SLC22A4: variants seen among roughly 807,000 people sequenced by gnomAD.
SLC22A4 encodes the protein solute carrier family 22 member 4.
SLC22A4 carries 39 observed loss-of-function variants against 56.6 expected under a neutral mutation model. The observed-to-expected ratio is 0.69, with a 90% CI of 0.53 to 0.90. The LOEUF (loss-of-function observed/expected upper bound fraction) is 0.90, where lower values mean the gene tolerates loss of function less well. Ranked by LOEUF, SLC22A4 falls within the 40% of genes least tolerant of loss-of-function variation. SLC22A4 has a pLI of 0.00. For synonymous variants in SLC22A4, 241 were observed against 281.4 expected, an observed-to-expected ratio of 0.86 and a Z score of 1.44; for missense variants, 594 against 696.5, an observed-to-expected ratio of 0.85 and a Z score of 1.66.
chr5:132,299,456 C>T (rs866911437), intron 1 of SLC22A4, among the ~76,000 whole-genome samples: 4 of 149,752 alleles, frequency 2.7e-5, no homozygotes, highest in Admixed American at 6.7e-5. Context: ...TTTCTTTCTT[C>T]GTTCTTGTTG....
intron 8 of SLC22A4, among the ~76,000 whole-genome samples, chr5:132,336,454 G>A (rs1446033085): frequency 6.6e-6 from 1 of 152,122 alleles, no homozygotes; most frequent in East Asian, 1.9e-4. Context: ...AACCCAGGAG[G>A]CAGAGGCTGC....
chr5:132,311,616 T>C (rs1363595141), intron 1 of SLC22A4: 1 of 166,804 alleles, frequency 6.0e-6, no homozygotes, highest in Non-Finnish European at 1.3e-5. Flanking sequence ...TAGGCGTGAG[T>C]GGACCAGGGA....
At chr5:132,313,574 C>A in intron 2 of SLC22A4, 40 bp from the exon 3 acceptor site, 1 of 1,604,744 alleles carries the variant, frequency 6.2e-7, no homozygotes. Context: ...ACCTTGGCAA[C>A]CTACACATCT....
rs776363804 is a variant in SLC22A4, at chr5:132,327,344, C to A, written c.892C>A (p.Gln298Lys). The change falls in exon 5 of 10, where the codon CAA becomes AAA. Residue 298 changes from glutamine (Q) to lysine (K), a missense_variant. Transcript: ENST00000200652. ...ATTTAGAGAGGCTGAAGATATCATC[C>A]AAAAAGCTGCAAAAATGAACAACAT... The part of the protein sequence containing the change: ...RRFREAEDII[Q>K]KAAKMNNIAV... The A allele has an allele frequency of 5.0e-6, 8 of 1,610,396 alleles. No homozygotes were observed. In the East Asian group the frequency reaches 1.8e-4, roughly 36 times the overall value.
At position 132,344,153 on chromosome 5, in the gene SLC22A4, C is replaced by G; in HGVS notation, c.*318C>G. On this transcript the variant is annotated 3_prime_UTR_variant, in exon 10 of 10. Transcript: ENST00000200652. ...ACACTCATTTCCAATCATACAAATA[C>G]TATCCAAATAAAAATAACATCATTG... 3.6e-6 allele frequency: 1 copy of G among 277,850 alleles called. No homozygotes were observed. Among genetic ancestry groups the G allele is most frequent in the Non-Finnish European group, 6.7e-6 (1 of 148,306 alleles). The allele number at this position is 277,850 out of a possible 1,614,324, so 17.2% of individuals were successfully genotyped here. A position where few individuals can be genotyped will look rare whatever the true frequency, so the allele number is the denominator to read the frequency against.
intron 9 of SLC22A4, among the ~76,000 whole-genome samples, chr5:132,342,205 C>A (rs917490708): frequency 1.3e-5 from 2 of 152,060 alleles, no homozygotes; most frequent in African/African-American, 4.8e-5. Flanking sequence ...ATTTGCTACA[C>A]AAAACCTAAA....
intron 5 of SLC22A4, among the ~76,000 whole-genome samples, chr5:132,329,018 G>A (rs1050211766): frequency 1.3e-4 from 20 of 151,438 alleles, no homozygotes; most frequent in East Asian, 5.9e-4. Context: ...ATGTAGCCTC[G>A]ACCTCGACCT....
At chr5:132,306,441 A>G (rs1260611379) in intron 1 of SLC22A4, among the ~76,000 whole-genome samples, 2 of 59,540 alleles carry the variant, frequency 3.4e-5, no homozygotes, top group Non-Finnish European at 6.3e-5. Context: ...ATATATATAT[A>G]TAGTTGTTGT....
At chr5:132,324,144 T>C (rs1750615503) in intron 4 of SLC22A4, among the ~76,000 whole-genome samples, 1 of 152,018 alleles carries the variant, frequency 6.6e-6, no homozygotes, top group Non-Finnish European at 1.5e-5. Flanking sequence ...GTGCGCTATA[T>C]GATCATGCCA....
At chr5:132,316,410 G>A (rs1355870372) in intron 3 of SLC22A4, among the ~76,000 whole-genome samples, 4 of 152,078 alleles carry the variant, frequency 2.6e-5, no homozygotes, top group Non-Finnish European at 2.9e-5. Flanking sequence ...CCCTACCCAC[G>A]TTCCAGCTCC....
chr5:132,322,217 T>C lies in SLC22A4; in HGVS notation c.686T>C (p.Ile229Thr), dbSNP rs756882520. Residue 229 changes from isoleucine (I) to threonine (T), a missense_variant, in exon 4 of 10, where the codon ATA (isoleucine) becomes ACA (threonine). Coordinates refer to ENST00000200652, the MANE Select transcript of SLC22A4 (RefSeq NM_003059.3). ...ATTCTTGGCAAGTCAGTTCGTATTA[T>C]ATTCTCTACATTAGGAGTGTGCACA... ...TEILGKSVRI[I>T]FSTLGVCTFF... The C allele has an allele frequency of 1.2e-6, 2 of 1,613,914 alleles. No homozygotes were observed. The highest frequency in any genetic ancestry group is 1.7e-6 in the Non-Finnish European group (2 of 1,179,878).
At chr5:132,335,188 G>C (rs1230420698) in intron 7 of SLC22A4, among the ~76,000 whole-genome samples, 2 of 152,152 alleles carry the variant, frequency 1.3e-5, no homozygotes, top group Non-Finnish European at 2.9e-5. Flanking sequence ...TTCACAGAAA[G>C]ACTCACCTAA....
chr5:132,328,631 T>C (rs574844486), intron 5 of SLC22A4, among the ~76,000 whole-genome samples: 18 of 152,210 alleles, frequency 1.2e-4, no homozygotes, highest in African/African-American at 3.9e-4. Flanking sequence ...ACTTCTGCCC[T>C]TCAGGGCTGT....
chr5:132,340,992 A>G (rs1751201143), intron 9 of SLC22A4, among the ~76,000 whole-genome samples: 2 of 149,248 alleles, frequency 1.3e-5, no homozygotes, highest in South Asian at 4.2e-4. Context: ...TGGCAGTCAC[A>G]TGTAATCCCA....
rs752847081 is a variant in SLC22A4, at chr5:132,334,756, A to T, written c.1085A>T (p.Asp362Val). The T allele has an allele frequency of 6.2e-7, 1 of 1,614,004 alleles. No homozygotes were observed. The highest frequency in any genetic ancestry group is 1.3e-5 in the African/African-American group (1 of 74,994). ...GTGGGTTACTTTGCTCTGTCTCTGG[A>T]TGCTCCTAATTTACATGGAGATGCC... ...TSVGYFALSL[D>V]APNLHGDAYL... Residue 362 changes from aspartate (D) to valine (V), a missense_variant, in exon 7 of 10, where the codon GAT becomes GTT. Asp to Val is a radical substitution (Grantham distance 152). Transcript: ENST00000200652.
intron 6 of SLC22A4, among the ~76,000 whole-genome samples, chr5:132,334,015 G>T (rs1750943565): frequency 6.6e-6 from 1 of 152,042 alleles, no homozygotes; most frequent in African/African-American, 2.4e-5. Context: ...CACCATGTTG[G>T]CCAGGCTGGT....
intron 4 of SLC22A4, among the ~76,000 whole-genome samples, chr5:132,326,098 C>T (rs1178617378): frequency 1.3e-5 from 2 of 152,206 alleles, no homozygotes; most frequent in Admixed American, 6.5e-5. Context: ...CAGGAGCAGT[C>T]ACGGAGCTGT....
chr5:132,340,065 T>G (rs1190873285), intron 8 of SLC22A4, among the ~76,000 whole-genome samples: 1 of 13,908 alleles, frequency 7.2e-5, no homozygotes. Flanking sequence ...ACTTAGTTGT[T>G]TTTTTTTTTT....
In SLC22A4 at chr5:132,343,867, A is replaced by G. The variant is rs775956581; in HGVS notation, c.*32A>G. 2.1e-6 allele frequency: 3 copies of G among 1,406,034 alleles called. No homozygotes were observed. The highest frequency in any genetic ancestry group is 3.0e-6 in the Non-Finnish European group (3 of 996,200). The allele number at this position is 1,406,034 out of a possible 1,614,324, so 87.1% of individuals were successfully genotyped here. A position where few individuals can be genotyped will look rare whatever the true frequency, so the allele number is the denominator to read the frequency against. On this transcript the variant is annotated 3_prime_UTR_variant, in exon 10 of 10. Coordinates refer to ENST00000200652, the MANE Select transcript of SLC22A4 (RefSeq NM_003059.3). ...ATCTACCCCATTTGGTGAAGTGAAA[A>G]ACAGAAAAATAAGACCCTGTGGAGA...
Sources: allele counts gnomAD v4.1 joint callset (sites outside exome capture counted in the v4.1 genomes callset), GRCh38; gene constraint gnomAD v4.1.1; transcripts MANE v1.5; gene names NCBI Gene and HGNC (gene_info 2026-07-23, HGNC 2026-07-21).